Variants in TTBK2 observed in about 807,000 individuals in gnomAD.
TTBK2 encodes the protein tau-tubulin kinase 2.
Under a neutral mutation model 110.8 loss-of-function variants are expected in TTBK2, and 28 were observed. That is an observed-to-expected ratio of 0.25 (90% confidence interval 0.19 to 0.35). TTBK2 has a LOEUF of 0.35. TTBK2 is among the 10% of genes least tolerant of loss of function. The pLI is 1.00. For missense variants in TTBK2, 1,369 were observed against 1,500.3 expected (o/e 0.91, Z 1.45); for synonymous variants, 532 against 527.3 (o/e 1.01, Z -0.12).
chr15:42,896,642 C>T (rs1469598220), intron 1 of TTBK2, among the ~76,000 whole-genome samples: 1 of 151,546 alleles, frequency 6.6e-6, no homozygotes, highest in African/African-American at 2.4e-5. Context: ...AAAATAAAAA[C>T]AATTAGCCAG....
chr15:42,810,139 T>A lies in TTBK2; in HGVS notation c.822+475A>T, dbSNP rs551180018. ...CCTAGTCAACCCTTCTAAGGCTCAT[T>A]AACTGATGCTCTAAGGAAATGATTC... is the stretch of plus-strand genomic sequence containing the variant. On this transcript the variant is annotated intron_variant, in intron 9 of 14. Coordinates refer to ENST00000267890, the MANE Select transcript of TTBK2 (RefSeq NM_173500.4). Among the ~76,000 whole-genome samples, 5 of 152,238 alleles carry A rather than the reference T, an allele frequency of 3.3e-5. No individual in the cohort carries two copies. In the South Asian group the frequency reaches 1.0e-3, roughly 32 times the overall value.
intron 13 of TTBK2, among the ~76,000 whole-genome samples, chr15:42,764,244 C>G (rs1889246380): frequency 6.6e-6 from 1 of 152,208 alleles, no homozygotes; most frequent in South Asian, 2.1e-4. Context: ...GTTCATCTCA[C>G]TGGGACTGGT....
At chr15:42,893,551 A>C (rs1000274031) in intron 1 of TTBK2, among the ~76,000 whole-genome samples, 4 of 151,646 alleles carry the variant, frequency 2.6e-5, no homozygotes, top group Non-Finnish European at 5.9e-5. Context: ...CGGAAGTTTC[A>C]AATTAAAACT....
chr15:42,904,159 A>G (rs2141196812), intron 1 of TTBK2, among the ~76,000 whole-genome samples: 1 of 152,324 alleles, frequency 6.6e-6, no homozygotes, highest in Non-Finnish European at 1.5e-5. Flanking sequence ...AGTCATACCC[A>G]GAATCTTGAC....
Position 42,920,727 on chromosome 15 carries a change from G to A in TTBK2, c.-357C>T, listed in dbSNP as rs1202593377. The A allele has an allele frequency of 1.3e-5, 2 of 153,436 alleles. No individual in the cohort carries two copies. Among genetic ancestry groups the A allele is most frequent in the African/African-American group, 2.4e-5 (1 of 41,328 alleles). 9.5% of individuals were successfully genotyped at this position (153,436 alleles called of 1,614,324 possible). A position where few individuals can be genotyped will look rare whatever the true frequency, so the allele number is the denominator to read the frequency against. ...GCCAGCACCTGCTCCCCCTCCTGCC[G>A]CCGCCGCCGCCTCGTCCCCACCGCT... On this transcript the variant is annotated 5_prime_UTR_variant, in exon 1 of 15. Coordinates refer to ENST00000267890, the MANE Select transcript of TTBK2 (RefSeq NM_173500.4).
At position 42,754,473 on chromosome 15, in the gene TTBK2, G is replaced by A. The variant is rs560262526; in HGVS notation, c.1999-1226C>T. On this transcript the variant is annotated intron_variant, in intron 13 of 14. Transcript: ENST00000267890. The stretch of plus-strand genomic sequence containing the variant: ...TGCAATGGTGCAATCTTGGCTCACC[G>A]CAACCTCCGCCTCCTGGGTTTACGT... Among the ~76,000 whole-genome samples, 6 of 151,222 alleles carry A rather than the reference G, an allele frequency of 4.0e-5. No homozygotes were observed. In the South Asian group the frequency reaches 6.3e-4, roughly 16 times the overall value.
At chr15:42,757,654 A>G (rs544538523) in intron 13 of TTBK2, among the ~76,000 whole-genome samples, 85 of 152,236 alleles carry the variant, frequency 5.6e-4, no homozygotes, top group Admixed American at 1.4e-3. Context: ...AGCTGCAAAG[A>G]GCTTCCTTAA....
chr15:42,806,543 C>G, intron 9 of TTBK2, among the ~76,000 whole-genome samples: 1 of 152,212 alleles, frequency 6.6e-6, no homozygotes. Flanking sequence ...CTCTTTCCAA[C>G]CTCACCTCAA....
rs531385665 is a variant in TTBK2 at position 42,827,567 on chromosome 15, G to A, written c.537+361C>T. Among the ~76,000 whole-genome samples, 159 of 152,260 alleles carry A rather than the reference G, an allele frequency of 1.0e-3. 1 individual carries two copies. The highest frequency in any genetic ancestry group is 3.8e-3 in the African/African-American group (156 of 41,556). On this transcript the variant is annotated intron_variant, in intron 6 of 14. Transcript: ENST00000267890. The stretch of plus-strand genomic sequence containing the variant: ...GTAAAAGAAAATGTGATGACAGTGT[G>A]GCACCAAATAGAGAATATCAGTGAA...
chr15:42,761,022 T>C (rs1356476646), intron 13 of TTBK2, among the ~76,000 whole-genome samples: 3 of 152,072 alleles, frequency 2.0e-5, no homozygotes, highest in South Asian at 2.1e-4. Flanking sequence ...AATCCAGAAA[T>C]AGATCCATTT....
At chr15:42,844,667 A>G (rs1893373376) in intron 3 of TTBK2, among the ~76,000 whole-genome samples, 1 of 152,222 alleles carries the variant, frequency 6.6e-6, no homozygotes, top group African/African-American at 2.4e-5. Context: ...TAATGTAAGT[A>G]TTATTATATT....
chr15:42,765,558 A>G lies in TTBK2; in HGVS notation c.1998+9577T>C, dbSNP rs530803563. Reference sequence around the variant, plus strand: ...ATTAATGAAATGAAGCGAGAAGAGAAGTTTAGAGAAAAAAGAGTAAAAAGA... The same window carrying G: ...ATTAATGAAATGAAGCGAGAAGAGAGGTTTAGAGAAAAAAGAGTAAAAAGA... On this transcript the variant is annotated intron_variant, in intron 13 of 14. Transcript: ENST00000267890. Among the ~76,000 whole-genome samples, 28 of 152,352 alleles carry G rather than the reference A, an allele frequency of 1.8e-4. No homozygotes were observed. In the South Asian group the frequency reaches 5.8e-3, roughly 32 times the overall value.
chr15:42,755,983 G>A (rs1483475247), intron 13 of TTBK2, among the ~76,000 whole-genome samples: 1 of 152,146 alleles, frequency 6.6e-6, no homozygotes, highest in Non-Finnish European at 1.5e-5. Context: ...ATCTCCTGAG[G>A]TCAGGAGTTT....
rs201347313 is a variant in TTBK2 at position 42,746,110 on chromosome 15, T to C, written c.3420A>G (p.Pro1140=). 5.0e-5 allele frequency: 81 copies of C among 1,613,672 alleles called. No individual in the cohort carries two copies. The highest frequency in any genetic ancestry group is 6.8e-5 in the Non-Finnish European group (80 of 1,179,944). ...TGCGAGGGACAACTGGACTCTTGGG[T>C]GGTGTTTTTGGATTGTGAGGAGATC... ...SPGSPHNPKT[P]PKSPVVPRRS... The change falls in exon 15 of 15, where the codon CCA becomes CCG. Residue 1140 remains proline, a synonymous_variant. Transcript: ENST00000267890.
intron 1 of TTBK2, among the ~76,000 whole-genome samples, chr15:42,901,047 T>G (rs1726541895): frequency 6.6e-6 from 1 of 151,984 alleles, no homozygotes; most frequent in African/African-American, 2.4e-5. Context: ...GAACTAAACC[T>G]AAGAGCTAAA....
chr15:42,872,362 T>G (rs990675863), intron 3 of TTBK2, among the ~76,000 whole-genome samples: 1 of 152,192 alleles, frequency 6.6e-6, no homozygotes, highest in African/African-American at 2.4e-5. Context: ...ATTCTGCTAA[T>G]TCACACTCTC....
intron 3 of TTBK2, among the ~76,000 whole-genome samples, chr15:42,860,643 T>TC (rs1231491736): frequency 2.1e-4 from 30 of 145,422 alleles, no homozygotes; most frequent in African/African-American, 6.4e-4. Flanking sequence ...ATTCTTTCTT[T>TC]TTTTTTTTTT....
intron 6 of TTBK2, among the ~76,000 whole-genome samples, chr15:42,818,075 T>A (rs1457534443): frequency 1.3e-5 from 2 of 152,192 alleles, no homozygotes; most frequent in African/African-American, 2.4e-5. Context: ...CCCATTTGTT[T>A]AGATTTTAAT....
intron 9 of TTBK2, 50 bp downstream of exon 9, chr15:42,810,564 T>C: frequency 1.9e-6 from 3 of 1,609,474 alleles, no homozygotes; most frequent in Non-Finnish European, 2.5e-6. Context: ...AGTGAAAGCA[T>C]AGACTAAGAG....
Sources: allele counts gnomAD v4.1 joint callset (sites outside exome capture counted in the v4.1 genomes callset), GRCh38; gene constraint gnomAD v4.1.1; transcripts MANE v1.5; gene names NCBI Gene and HGNC (gene_info 2026-07-23, HGNC 2026-07-21).